The following NRXN1 variants were observed in gnomAD, a reference collection of about 807,000 sequenced individuals.
NRXN1 encodes the protein neurexin 1.
In NRXN1, 39 loss-of-function variants were observed where a neutral mutation model predicts 150.9. That is an observed-to-expected ratio of 0.26 (90% confidence interval 0.20 to 0.34). The LOEUF is 0.34. NRXN1 is among the 10% of genes least tolerant of loss of function. The pLI, the probability that NRXN1 is intolerant of heterozygous loss-of-function variation, is 1.00. For synonymous variants in NRXN1, 924 were observed against 757.0 expected (o/e 1.22, Z -3.62); for missense variants, 1,815 against 1,949.9 (o/e 0.93, Z 1.30).
At chr2:50,985,975 G>A (rs1014681034) in intron 2 of NRXN1, among the ~76,000 whole-genome samples, 3 of 151,504 alleles carry the variant, frequency 2.0e-5, no homozygotes, top group Admixed American at 6.6e-5. Context: ...AAACACTACA[G>A]AGAAATTACA....
At chr2:49,990,223 G>C (rs970801368) in intron 21 of NRXN1, among the ~76,000 whole-genome samples, 1 of 152,130 alleles carries the variant, frequency 6.6e-6, no homozygotes, top group Non-Finnish European at 1.5e-5. Context: ...TATGACTACA[G>C]GGGGAAAAAC....
At chr2:50,400,938 A>G (rs2082351972) in intron 17 of NRXN1, among the ~76,000 whole-genome samples, 1 of 152,192 alleles carries the variant, frequency 6.6e-6, no homozygotes, top group South Asian at 2.1e-4. Flanking sequence ...TTCATGTCAT[A>G]GTGCTGTGTG....
intron 18 of NRXN1, among the ~76,000 whole-genome samples, chr2:50,162,237 G>C (rs1489389305): frequency 6.6e-6 from 1 of 152,070 alleles, no homozygotes; most frequent in Non-Finnish European, 1.5e-5. Flanking sequence ...TTTATATAGT[G>C]TTAAGGAAAA....
chr2:50,611,102 G>A (rs1019083033), intron 8 of NRXN1, among the ~76,000 whole-genome samples: 1 of 145,532 alleles, frequency 6.9e-6, no homozygotes, highest in African/African-American at 2.5e-5. Context: ...AAGTGTTAAT[G>A]CATAAGCAAA....
chr2:50,119,122 A>G (rs1703488832), intron 18 of NRXN1, among the ~76,000 whole-genome samples: 1 of 152,142 alleles, frequency 6.6e-6, no homozygotes, highest in South Asian at 2.1e-4. Flanking sequence ...CCACATCTTA[A>G]GTTGAAAATT....
chr2:50,352,404 C>T (rs2078476505), intron 17 of NRXN1, among the ~76,000 whole-genome samples: 1 of 152,068 alleles, frequency 6.6e-6, no homozygotes, highest in African/African-American at 2.4e-5. Context: ...ATTGGAAACC[C>T]TTAAAGCTCA....
At chr2:50,111,951 T>C (rs1702429762) in intron 18 of NRXN1, among the ~76,000 whole-genome samples, 1 of 152,000 alleles carries the variant, frequency 6.6e-6, no homozygotes, top group African/African-American at 2.4e-5. Context: ...CCGTAAGATA[T>C]AAAATGGGTA....
intron 2 of NRXN1, among the ~76,000 whole-genome samples, chr2:50,969,157 G>T (rs145465592): frequency 1.3e-5 from 2 of 151,964 alleles, no homozygotes; most frequent in African/African-American, 4.8e-5. Context: ...ATACCTTGCC[G>T]GATGACGCAA....
chr2:50,104,397 G>A (rs1349495911), intron 18 of NRXN1, among the ~76,000 whole-genome samples: 1 of 151,968 alleles, frequency 6.6e-6, no homozygotes. Context: ...AAACCTAATA[G>A]AGAAGGTAAA....
intron 17 of NRXN1, among the ~76,000 whole-genome samples, chr2:50,241,860 A>T (rs546692224): frequency 6.6e-6 from 1 of 151,878 alleles, no homozygotes; most frequent in East Asian, 1.9e-4. Context: ...AAAGGCTAAC[A>T]TATTCCCTTA....
At chr2:50,685,386 C>T (rs1446021094) in intron 5 of NRXN1, among the ~76,000 whole-genome samples, 6 of 152,124 alleles carry the variant, frequency 3.9e-5, no homozygotes, top group African/African-American at 9.6e-5. Flanking sequence ...GACCTTACTG[C>T]CATATCATCT....
At chr2:50,908,362 T>TACGCACACAC (rs1684032301) in intron 5 of NRXN1, among the ~76,000 whole-genome samples, 1 of 148,140 alleles carries the variant, frequency 6.8e-6, no homozygotes, top group East Asian at 2.0e-4. Flanking sequence ...CATTCACACA[T>TACGCACACAC]ACACACACAC....
intron 2 of NRXN1, among the ~76,000 whole-genome samples, chr2:51,006,674 C>G (rs566729361): frequency 2.7e-4 from 41 of 152,018 alleles, no homozygotes; most frequent in African/African-American, 9.2e-4. Flanking sequence ...AATATAGTTA[C>G]AAGGTTTACA....
At chr2:50,718,705 G>C (rs988533404) in intron 5 of NRXN1, among the ~76,000 whole-genome samples, 1 of 152,110 alleles carries the variant, frequency 6.6e-6, no homozygotes, top group African/African-American at 2.4e-5. Context: ...CTTTGTATGT[G>C]TATAAAGATG....
intron 17 of NRXN1, among the ~76,000 whole-genome samples, chr2:50,309,713 A>AACAGC (rs1323033579): frequency 2.0e-5 from 3 of 152,138 alleles, no homozygotes; most frequent in African/African-American, 7.2e-5. Flanking sequence ...GTTCTCTCTG[A>AACAGC]TGCCACTATG....
At chr2:50,335,542 T>G (rs2077126507) in intron 17 of NRXN1, among the ~76,000 whole-genome samples, 1 of 152,200 alleles carries the variant, frequency 6.6e-6, no homozygotes, top group Non-Finnish European at 1.5e-5. Context: ...TGCCGTTATT[T>G]TCAAAAGGCT....
intron 22 of NRXN1, chr2:49,926,413 A>T (rs530132349): frequency 2.5e-6 from 1 of 398,270 alleles, no homozygotes; most frequent in African/African-American, 2.1e-5. Flanking sequence ...CAAGAATCCT[A>T]TGAATCTTCT....
chr2:50,532,238 G>C (rs930819030), intron 10 of NRXN1, among the ~76,000 whole-genome samples: 5 of 151,880 alleles, frequency 3.3e-5, no homozygotes, highest in Admixed American at 3.3e-4. Flanking sequence ...ACAATGAGAG[G>C]GTACTGCCAG....
chr2:50,301,367 G>C (rs1387812381), intron 17 of NRXN1, among the ~76,000 whole-genome samples: 1 of 152,142 alleles, frequency 6.6e-6, no homozygotes, highest in Non-Finnish European at 1.5e-5. Context: ...TTATATGGTT[G>C]ATCCAGGGTC....
Sources: allele counts gnomAD v4.1 joint callset (sites outside exome capture counted in the v4.1 genomes callset), GRCh38; gene constraint gnomAD v4.1.1; transcripts MANE v1.5; gene names NCBI Gene and HGNC (gene_info 2026-07-23, HGNC 2026-07-21).